ARL10: variants seen among roughly 807,000 people sequenced by gnomAD.
ARL10 encodes ADP-ribosylation factor-like protein 10.
In ARL10, 23 loss-of-function variants were observed where a neutral mutation model predicts 26.1. That is an observed-to-expected ratio of 0.88 (90% CI 0.63 to 1.25). The LOEUF (loss-of-function observed/expected upper bound fraction) is 1.25. Ranked by LOEUF, ARL10 falls within the 50% of genes most tolerant of loss-of-function variation. The pLI is 0.00. For synonymous variants in ARL10, 138 were observed against 149.1 expected (o/e 0.93, Z 0.54); for missense variants, 300 against 323.6 (o/e 0.93, Z 0.56).
intron 1 of ARL10, chr5:176,398,150 A>G: frequency 1.0e-6 from 1 of 990,866 alleles, no homozygotes; most frequent in Non-Finnish European, 1.6e-6. Flanking sequence ...CTCAGCCTCA[A>G]ACAACCTCAT....
At position 176,398,074 on chromosome 5, in the gene ARL10, T is replaced by C. The variant is rs544153791; in HGVS notation, c.134-3667T>C. Reference sequence around the variant, plus strand: ...TAGAACACAAACACGCAGCAGTCTATCCAGCCAGCACACCTGCCCCGCTGT... The same window carrying C: ...TAGAACACAAACACGCAGCAGTCTACCCAGCCAGCACACCTGCCCCGCTGT... On this transcript the variant is annotated intron_variant, in intron 1 of 1. Transcript: ENST00000514533. 27 of 1,602,016 alleles carry C rather than the reference T, an allele frequency of 1.7e-5. No individual in the cohort carries two copies. In the East Asian group the frequency reaches 2.7e-4, roughly 16 times the overall value.
chr5:176,384,676 A>T, downstream of ARL10: 1 of 429,510 alleles, frequency 2.3e-6, no homozygotes, highest in East Asian at 4.3e-5. Context: ...AGGCCGAGGC[A>T]GGAGGACTGT....
At chr5:176,414,883 C>A in the ARL10 span, among the ~76,000 whole-genome samples, 2 of 152,192 alleles carry the variant, frequency 1.3e-5, no homozygotes, top group Non-Finnish European at 2.9e-5. Context: ...GTATCCCCAG[C>A]GTCCTGACAC....
chr5:176,371,157 C>G (rs964703387), intron 3 of ARL10, among the ~76,000 whole-genome samples: 3 of 152,052 alleles, frequency 2.0e-5, no homozygotes, highest in African/African-American at 7.2e-5. Context: ...GGTGGATCAC[C>G]TGAGGTCAGG....
chr5:176,380,451 T>G lies in ARL10; in HGVS notation c.*8556T>G, dbSNP rs1184705152. On this transcript the variant is annotated 3_prime_UTR_variant, in exon 4 of 4. Transcript: ENST00000310389. ...GTTAACCTGTTTTTCTAAAAACAAG[T>G]TCTGGGTCCATAATTTTGGTTTTTT... 1 of 151,672 alleles carries G rather than the reference T, an allele frequency of 6.6e-6. No individual in the cohort carries two copies. The highest frequency in any genetic ancestry group is 2.4e-5 in the African/African-American group (1 of 41,302). The allele number at this position is 151,672 out of a possible 1,614,324, so 9.4% of individuals were successfully genotyped here. A position where few individuals can be genotyped will look rare whatever the true frequency, so the allele number is the denominator to read the frequency against.
At chr5:176,405,578 T>C (rs576654448), downstream of ARL10, 1 of 151,210 alleles carries the variant, frequency 6.6e-6, no homozygotes, top group East Asian at 1.9e-4. Flanking sequence ...TTTGCCTCCA[T>C]ATCCGTTTAT....
rs1768648347 is a variant in ARL10 at position 176,375,110 on chromosome 5, C to CCCG, written c.*3215_*3216insCCG. ...CATCCATCCATCCATCCATCCATCCCTCCATCCGTCCACCCGTCCACCCGT... is the reference window on the plus strand; with the variant it reads ...CATCCATCCATCCATCCATCCATCCCCCGTCCATCCGTCCACCCGTCCACCCGT... On this transcript the variant is annotated 3_prime_UTR_variant, in exon 4 of 4. Transcript: ENST00000310389. 1 of 49,064 alleles carries CCCG rather than the reference C, an allele frequency of 2.0e-5. No individual in the cohort carries two copies. The highest frequency in any genetic ancestry group is 2.2e-4 in the Admixed American group (1 of 4,582). 3.0% of individuals were successfully genotyped at this position (49,064 alleles called of 1,614,324 possible).
Position 176,401,602 on chromosome 5 carries a change from A to G in ARL10, c.134-139A>G, listed in dbSNP as rs1244623395. 1.3e-5 allele frequency: 5 copies of G among 394,836 alleles called. No homozygotes were observed. The East Asian group carries it at 3.6e-4, about 29-fold the overall frequency. 24.5% of individuals were successfully genotyped at this position (394,836 alleles called of 1,614,324 possible). A position where few individuals can be genotyped will look rare whatever the true frequency, so the allele number is the denominator to read the frequency against. On this transcript the variant is annotated intron_variant, in intron 1 of 1. Transcript: ENST00000514533. ...GCACTGTCTTTAGGGTGACATCCAC[A>G]TGGCATCGAGACCTCAGCCTTTAGG...
At chr5:176,393,020 GC>G, downstream of ARL10, 1 of 1,538,370 alleles carries the variant, frequency 6.5e-7, no homozygotes, top group Non-Finnish European at 9.0e-7. The surrounding 1 kb of genome is among the most constrained non-coding windows in gnomAD (Gnocchi z 4.4). Context: ...AGGCTGCTTT[GC>G]CCAGCCTACT....
intron 2 of ARL10, among the ~76,000 whole-genome samples, chr5:176,367,427 C>G (rs549694770): frequency 9.7e-4 from 148 of 152,286 alleles, no homozygotes; most frequent in African/African-American, 3.3e-3. Context: ...CATCTTTCCT[C>G]TCAGCACCAC....
At chr5:176,371,173 G>A (rs572639889) in intron 3 of ARL10, among the ~76,000 whole-genome samples, 34 of 152,258 alleles carry the variant, frequency 2.2e-4, no homozygotes, top group Admixed American at 3.9e-4. Flanking sequence ...TCAGGAGTTC[G>A]AGACCAGCCT....
At chr5:176,396,701 CAGG>C (rs1756540546) in intron 1 of ARL10, among the ~76,000 whole-genome samples, 1 of 152,110 alleles carries the variant, frequency 6.6e-6, no homozygotes, top group Non-Finnish European at 1.5e-5. Flanking sequence ...CAGCCCCAAA[CAGG>C]AGAATGGGGA....
At chr5:176,366,640 C>T in intron 2 of ARL10, 59 bp downstream of exon 2, 1 of 1,583,066 alleles carries the variant, frequency 6.3e-7, no homozygotes, top group Non-Finnish European at 8.6e-7. Flanking sequence ...CCTGGATTCT[C>T]TGCAGGGAAG....
At position 176,373,920 on chromosome 5, in the gene ARL10, G is replaced by A. The variant is rs540901035; in HGVS notation, c.*2025G>A. 1.3e-5 allele frequency: 2 copies of A among 152,324 alleles called. No individual in the cohort carries two copies. Among genetic ancestry groups the A allele is most frequent in the South Asian group, 4.1e-4 (2 of 4,830 alleles). The allele number at this position is 152,324 out of a possible 1,614,324, so 9.4% of individuals were successfully genotyped here. ...AAAAAGTATGTTCTGTTTTTGAGCA[G>A]AAAAAAGATTCGTGAACTGGTTAGT... On this transcript the variant is annotated 3_prime_UTR_variant, in exon 4 of 4. Transcript: ENST00000310389.
downstream of ARL10, chr5:176,385,147 G>A (rs774570532): frequency 4.8e-6 from 4 of 831,614 alleles, no homozygotes; most frequent in South Asian, 5.3e-5. Context: ...GGAAACAGGT[G>A]CTGCGCAAGC....
intron 3 of ARL10, among the ~76,000 whole-genome samples, chr5:176,371,445 G>A (rs1299017321): frequency 6.6e-6 from 1 of 152,236 alleles, no homozygotes; most frequent in African/African-American, 2.4e-5. Flanking sequence ...GGGTGAGGGA[G>A]AGAGCATTGA....
chr5:176,412,115 G>A, the ARL10 span, among the ~76,000 whole-genome samples: 2 of 150,046 alleles, frequency 1.3e-5, no homozygotes, highest in Non-Finnish European at 3.0e-5. Context: ...GGCGGAGCTT[G>A]CAGTGAGCCG....
At position 176,396,208 on chromosome 5, in the gene ARL10, C is replaced by T. The variant is rs965342242; in HGVS notation, c.134-5533C>T. 2.0e-5 allele frequency among the ~76,000 whole-genome samples: 3 copies of T among 152,024 alleles called. No individual in the cohort carries two copies. In the South Asian group the frequency reaches 6.2e-4, roughly 32 times the overall value. The stretch of plus-strand genomic sequence containing the variant: ...AGAGGGAGGGAGTTGGGGTGCTCTG[C>T]CATTTGCCCCTCCCACATGGGAATA... On this transcript the variant is annotated intron_variant, in intron 1 of 1. Coordinates refer to the ARL10 transcript ENST00000514533.
At chr5:176,409,067 C>T in the ARL10 span, among the ~76,000 whole-genome samples, 2 of 151,972 alleles carry the variant, frequency 1.3e-5, no homozygotes, top group Non-Finnish European at 2.9e-5. Flanking sequence ...ACCTCCCACT[C>T]CCGGATTCAA....
Sources: allele counts gnomAD v4.1 joint callset (sites outside exome capture counted in the v4.1 genomes callset), GRCh38; gene constraint gnomAD v4.1.1; non-coding constraint Gnocchi (gnomAD v3.1); transcripts MANE v1.5; gene names NCBI Gene and HGNC (gene_info 2026-07-23, HGNC 2026-07-21).